NLN: variants seen among roughly 807,000 people sequenced by gnomAD.
The protein encoded by NLN is neurolysin, also known as neurolysin, mitochondrial.
Under a neutral mutation model 79.9 loss-of-function variants are expected in NLN, and 64 were observed. The ratio of observed to expected loss-of-function variants is 0.80; its 90% confidence interval spans 0.65 to 0.99. The LOEUF (loss-of-function observed/expected upper bound fraction) is 0.99. NLN is among the 50% of genes least tolerant of loss of function. NLN has a pLI of 0.00. For missense variants in NLN, 835 were observed against 858.7 expected, an observed-to-expected ratio of 0.97 and a Z score of 0.34; for synonymous variants, 267 against 296.6, an observed-to-expected ratio of 0.90 and a Z score of 1.02.
Position 65,825,489 on chromosome 5 carries a change from G to A in NLN, c.*2574G>A, listed in dbSNP as rs567981180. Reference sequence around the variant, plus strand: ...TAGTAGGCATGATCCTAAAGGTTTAGTTTTACGATGCTGCAGAGAAGAGAA... The same window carrying A: ...TAGTAGGCATGATCCTAAAGGTTTAATTTTACGATGCTGCAGAGAAGAGAA... On this transcript the variant is annotated 3_prime_UTR_variant, in exon 13 of 13. Transcript: ENST00000380985. 6.6e-6 allele frequency: 1 copy of A among 152,162 alleles called. No individual in the cohort carries two copies. Among genetic ancestry groups the A allele is most frequent in the African/African-American group, 2.4e-5 (1 of 41,518 alleles). The allele number at this position is 152,162 out of a possible 1,614,324, so 9.4% of individuals were successfully genotyped here.
intron 3 of NLN, among the ~76,000 whole-genome samples, chr5:65,774,875 C>T (rs2150754038): frequency 6.6e-6 from 1 of 151,994 alleles, no homozygotes; most frequent in East Asian, 1.9e-4. Context: ...CACACACATG[C>T]CACCACACCC....
intron 9 of NLN, among the ~76,000 whole-genome samples, chr5:65,798,359 C>G (rs1300045802): frequency 1.3e-5 from 2 of 152,222 alleles, no homozygotes; most frequent in Non-Finnish European, 2.9e-5. Flanking sequence ...ATTCCATGCA[C>G]TGGAGACAAT....
chr5:65,730,786 A>G (rs1758588258), intron 1 of NLN, among the ~76,000 whole-genome samples: 1 of 152,096 alleles, frequency 6.6e-6, no homozygotes, highest in South Asian at 2.1e-4. Context: ...TCTTGACCTC[A>G]AGTGACCCAC....
intron 3 of NLN, among the ~76,000 whole-genome samples, chr5:65,776,605 T>A (rs1759684137): frequency 6.6e-6 from 1 of 152,206 alleles, no homozygotes; most frequent in Non-Finnish European, 1.5e-5. Context: ...CCAGAGTCCA[T>A]TTCTTCTTAG....
rs1223556818 is a variant in NLN at position 65,792,656 on chromosome 5, G to T, written c.1527+1G>T. ...CGTGATGCATCAGATTTGTGCACAGGTGAGTTTTTTTTTTCCCCCAGTAAA... is the reference window on the plus strand; with the variant it reads ...CGTGATGCATCAGATTTGTGCACAGTTGAGTTTTTTTTTTCCCCCAGTAAA... On this transcript the variant is annotated splice_donor_variant, in intron 9 of 12. Coordinates refer to ENST00000380985, the MANE Select transcript of NLN (RefSeq NM_020726.5). LOFTEE classifies it high-confidence loss of function. 7 of 1,611,520 alleles carry T rather than the reference G, an allele frequency of 4.3e-6. No homozygotes were observed. In the South Asian group the frequency reaches 7.7e-5, roughly 18 times the overall value.
intron 9 of NLN, among the ~76,000 whole-genome samples, chr5:65,794,829 G>A (rs1760138037): frequency 6.6e-6 from 1 of 152,060 alleles, no homozygotes; most frequent in East Asian, 1.9e-4. Flanking sequence ...AACCCAAAAT[G>A]TACCCATTCA....
chr5:65,738,487 A>C (rs2561220), intron 1 of NLN, among the ~76,000 whole-genome samples: 35,905 of 151,368 alleles, frequency 0.24, 4,385 homozygotes, highest in African/African-American at 0.27. Context: ...GTGAGAGGAT[A>C]GCTTGAGCCC....
At chr5:65,749,470 G>A (rs1229874594) in intron 1 of NLN, among the ~76,000 whole-genome samples, 1 of 152,172 alleles carries the variant, frequency 6.6e-6, no homozygotes, top group African/African-American at 2.4e-5. Flanking sequence ...GCATTCACCA[G>A]GAATCCAGGT....
Position 65,823,672 on chromosome 5 carries a change from T to C in NLN, c.*757T>C, listed in dbSNP as rs1760850601. ...TTTCCACCTCAGCATACAAGATCGTTAGTCTTTTGGCATGTGTGCCAATTA... is the reference window on the plus strand; with the variant it reads ...TTTCCACCTCAGCATACAAGATCGTCAGTCTTTTGGCATGTGTGCCAATTA... On this transcript the variant is annotated 3_prime_UTR_variant, in exon 13 of 13. Coordinates refer to ENST00000380985, the MANE Select transcript of NLN (RefSeq NM_020726.5). 6.6e-6 allele frequency: 1 copy of C among 152,190 alleles called. No individual in the cohort carries two copies. The highest frequency in any genetic ancestry group is 1.5e-5 in the Non-Finnish European group (1 of 68,038). The allele number at this position is 152,190 out of a possible 1,614,324, so 9.4% of individuals were successfully genotyped here. A position where few individuals can be genotyped will look rare whatever the true frequency, so the allele number is the denominator to read the frequency against.
chr5:65,724,768 A>G (rs563498184), intron 1 of NLN, among the ~76,000 whole-genome samples: 1 of 150,464 alleles, frequency 6.6e-6, no homozygotes, highest in East Asian at 1.9e-4. Context: ...TTTTGATAAC[A>G]GTTATCCTAG....
In NLN at chr5:65,756,365, C is replaced by T. The variant is rs368802378; in HGVS notation, c.42-2202C>T. Among the ~76,000 whole-genome samples, 133 of 152,298 alleles carry T rather than the reference C, an allele frequency of 8.7e-4. 3 individuals carry two copies. In the East Asian group the frequency reaches 0.018, roughly 20 times the overall value. ...TCCCTTGACTCTCTTGACTCTCTCA[C>T]CTCCACCGCCTCCATCCATTCAGTA... is the stretch of plus-strand genomic sequence containing the variant. On this transcript the variant is annotated intron_variant, in intron 1 of 12. Coordinates refer to ENST00000380985, the MANE Select transcript of NLN (RefSeq NM_020726.5).
intron 9 of NLN, among the ~76,000 whole-genome samples, chr5:65,806,224 G>A (rs992844362): frequency 6.6e-6 from 1 of 152,166 alleles, no homozygotes; most frequent in African/African-American, 2.4e-5. Flanking sequence ...TCCATGGATC[G>A]AGGAGTAATT....
intron 3 of NLN, 56 bp from the exon 4 acceptor site, chr5:65,777,371 A>G: frequency 8.9e-7 from 1 of 1,128,696 alleles, no homozygotes; most frequent in Non-Finnish European, 1.3e-6. Flanking sequence ...CTCATAGTTT[A>G]TAATTTACCT....
intron 8 of NLN, among the ~76,000 whole-genome samples, chr5:65,789,621 A>G (rs944243007): frequency 2.0e-5 from 3 of 152,198 alleles, no homozygotes; most frequent in Non-Finnish European, 4.4e-5. Flanking sequence ...TACTAAAAAT[A>G]CAAAAATTTA....
intron 1 of NLN, among the ~76,000 whole-genome samples, chr5:65,750,811 G>A (rs922477265): frequency 6.6e-6 from 1 of 152,102 alleles, no homozygotes; most frequent in African/African-American, 2.4e-5. Context: ...AAGAAAAAGA[G>A]AAACAGGTAA....
intron 1 of NLN, among the ~76,000 whole-genome samples, chr5:65,726,046 A>G (rs1158873088): frequency 1.4e-5 from 2 of 148,104 alleles, no homozygotes; most frequent in Non-Finnish European, 3.0e-5. Flanking sequence ...CGGAAGGTGG[A>G]GTTTGCAGTG....
At position 65,812,315 on chromosome 5, in the gene NLN, G is replaced by T. The variant is rs778843882; in HGVS notation, c.1904G>T (p.Gly635Val). 1.9e-6 allele frequency: 3 copies of T among 1,602,336 alleles called. No individual in the cohort carries two copies. The highest frequency in any genetic ancestry group is 2.2e-5 in the South Asian group (2 of 90,814). Residue 635 changes from glycine to valine, a missense_variant, in exon 12 of 13, where the codon GGA (glycine) becomes GTA (valine). Coordinates refer to ENST00000380985, the MANE Select transcript of NLN (RefSeq NM_020726.5). ...GGGGGATACGATGGCCAATATTATG[G>T]ATATCTTTGGAGTGAAGTATTTTCC... ...LAGGYDGQYY[G>V]YLWSEVFSMD...
intron 1 of NLN, among the ~76,000 whole-genome samples, chr5:65,731,157 C>T (rs1034667235): frequency 6.6e-6 from 1 of 152,164 alleles, no homozygotes; most frequent in South Asian, 2.1e-4. Context: ...TTTCCTGTGA[C>T]GTCTCGTCCT....
chr5:65,733,384 A>T, intron 1 of NLN: 1 of 1,509,964 alleles, frequency 6.6e-7, no homozygotes, highest in East Asian at 2.3e-5. Flanking sequence ...TTCTACTTTC[A>T]TGGAAACGAG....
Sources: allele counts gnomAD v4.1 joint callset (sites outside exome capture counted in the v4.1 genomes callset), GRCh38; gene constraint gnomAD v4.1.1; transcripts MANE v1.5; gene names NCBI Gene and HGNC (gene_info 2026-07-23, HGNC 2026-07-21).